Variants in L3MBTL4 observed in about 807,000 individuals in gnomAD.
L3MBTL4 encodes L3MBTL histone methyl-lysine binding protein 4.
Under a neutral mutation model 84.5 loss-of-function variants are expected in L3MBTL4, and 70 were observed. That is an observed-to-expected ratio of 0.83 (90% CI 0.68 to 1.01). L3MBTL4 has a LOEUF of 1.01. Among genes scored for constraint, L3MBTL4 ranks in the 50% least tolerant of loss-of-function variants. The probability of loss-of-function intolerance (pLI) is 0.00; values close to 1 mark genes in which losing one functional copy is unlikely to be tolerated. For synonymous variants in L3MBTL4, 274 were observed against 259.8 expected, an observed-to-expected ratio of 1.05 and a Z score of -0.52; for missense variants, 715 against 754.8, an observed-to-expected ratio of 0.95 and a Z score of 0.62.
intron 1 of L3MBTL4, among the ~76,000 whole-genome samples, chr18:6,388,483 T>G (rs1438822717): frequency 6.6e-6 from 1 of 152,140 alleles, no homozygotes; most frequent in African/African-American, 2.4e-5. Context: ...AACAGTGAAC[T>G]GAATTTGTCC....
chr18:6,361,652 C>T (rs552953358), intron 1 of L3MBTL4, among the ~76,000 whole-genome samples: 6 of 152,198 alleles, frequency 3.9e-5, no homozygotes, highest in Admixed American at 6.5e-5. Context: ...AAAATGAAGG[C>T]GATCTTTAAA....
chr18:6,132,796 A>C (rs1431452093), intron 14 of L3MBTL4, among the ~76,000 whole-genome samples: 2 of 152,200 alleles, frequency 1.3e-5, no homozygotes, highest in African/African-American at 4.8e-5. Flanking sequence ...AAAGTGCAGC[A>C]TGCCCATTGT....
chr18:6,249,731 T>C (rs1483481416), intron 5 of L3MBTL4, among the ~76,000 whole-genome samples: 2 of 152,260 alleles, frequency 1.3e-5, no homozygotes, highest in African/African-American at 2.4e-5. Context: ...TTCATTAATA[T>C]AATTGATACT....
At chr18:6,030,753 A>C in intron 16 of L3MBTL4, 6 of 980,586 alleles carry the variant, frequency 6.1e-6, no homozygotes, top group Non-Finnish European at 7.3e-6. Flanking sequence ...CTATTTCGTT[A>C]ATTTTCTAAG....
At chr18:6,176,185 GTA>G (rs1407650096) in intron 12 of L3MBTL4, among the ~76,000 whole-genome samples, 2 of 151,814 alleles carry the variant, frequency 1.3e-5, no homozygotes, top group Admixed American at 6.6e-5. Context: ...CTTTTGTTTT[GTA>G]TCATTTGACA....
intron 13 of L3MBTL4, among the ~76,000 whole-genome samples, chr18:6,166,112 T>A (rs1172737569): frequency 1.3e-5 from 2 of 152,260 alleles, no homozygotes; most frequent in Middle Eastern, 3.4e-3. Flanking sequence ...AGGGATCAAT[T>A]CAACAAGAAG....
intron 14 of L3MBTL4, among the ~76,000 whole-genome samples, chr18:6,106,611 AG>A (rs1377978026): frequency 6.6e-6 from 1 of 152,236 alleles, no homozygotes; most frequent in East Asian, 1.9e-4. Context: ...AGAAGAAAAT[AG>A]AGAAGAGAGA....
At position 6,194,054 on chromosome 18, in the gene L3MBTL4, C is replaced by T. The variant is rs187917235; in HGVS notation, c.981+19095G>A. Among the ~76,000 whole-genome samples, 8 of 152,220 alleles carry T rather than the reference C, an allele frequency of 5.3e-5. No homozygotes were observed. In the East Asian group the frequency reaches 1.5e-3, roughly 29 times the overall value. ...CCAGTCAAGCTTTCCAAAATGAATT[C>T]AAGGAGGGGAACAAAGATTGGAGCC... On this transcript the variant is annotated intron_variant, in intron 12 of 18. Coordinates refer to ENST00000317931, the MANE Select transcript of L3MBTL4 (RefSeq NM_001330559.2).
chr18:6,005,745 G>C (rs1379748668), intron 16 of L3MBTL4, among the ~76,000 whole-genome samples: 2 of 152,078 alleles, frequency 1.3e-5, no homozygotes, highest in East Asian at 3.9e-4. Flanking sequence ...CTGTTGATGG[G>C]CATTTAGGTT....
intron 16 of L3MBTL4, among the ~76,000 whole-genome samples, chr18:6,057,766 T>G (rs1394862794): frequency 2.0e-5 from 3 of 152,018 alleles, no homozygotes; most frequent in Non-Finnish European, 2.9e-5. Context: ...ATAAAGTCCA[T>G]GACAAAAATG....
intron 12 of L3MBTL4, among the ~76,000 whole-genome samples, chr18:6,179,773 G>T (rs113828919): frequency 6.6e-6 from 1 of 152,014 alleles, no homozygotes; most frequent in Admixed American, 6.5e-5. Context: ...AACTACAGGC[G>T]CATGCCACCA....
intron 16 of L3MBTL4, among the ~76,000 whole-genome samples, chr18:6,057,742 G>A (rs1347769708): frequency 1.3e-5 from 2 of 152,154 alleles, no homozygotes; most frequent in Admixed American, 1.3e-4. Context: ...AGAAAGAGTT[G>A]TCTGTGCTAA....
At chr18:6,016,777 G>A (rs1169708118) in intron 16 of L3MBTL4, among the ~76,000 whole-genome samples, 1 of 152,212 alleles carries the variant, frequency 6.6e-6, no homozygotes, top group Non-Finnish European at 1.5e-5. Context: ...TTCGTTTTAG[G>A]AGGATTGGGA....
rs966120557 is a variant in L3MBTL4, at chr18:6,371,572, T to C, written c.-91+43229A>G. 4.6e-5 allele frequency among the ~76,000 whole-genome samples: 7 copies of C among 152,236 alleles called. 1 individual carries two copies. Among genetic ancestry groups the C allele is most frequent in the Admixed American group, 4.6e-4 (7 of 15,298 alleles). On this transcript the variant is annotated intron_variant, in intron 1 of 18. Transcript: ENST00000317931. ...ATCCTCCAAAATTTCACCAAAACCCTTACTACCACAGAGCATATCTTCCAA... is the reference window on the plus strand; with the variant it reads ...ATCCTCCAAAATTTCACCAAAACCCCTACTACCACAGAGCATATCTTCCAA...
chr18:6,047,618 A>T (rs1017381167), intron 16 of L3MBTL4, among the ~76,000 whole-genome samples: 1 of 152,228 alleles, frequency 6.6e-6, no homozygotes, highest in Non-Finnish European at 1.5e-5. Context: ...AATAAATGTG[A>T]TTCACAGCAT....
intron 13 of L3MBTL4, among the ~76,000 whole-genome samples, chr18:6,169,818 T>TA (rs2043876367): frequency 6.6e-6 from 1 of 150,852 alleles, no homozygotes; most frequent in African/African-American, 2.4e-5. Flanking sequence ...CCCTAAAACT[T>TA]AAAGTATAAT....
At chr18:6,165,449 C>A (rs182125454) in intron 13 of L3MBTL4, among the ~76,000 whole-genome samples, 125 of 152,250 alleles carry the variant, frequency 8.2e-4, no homozygotes, top group Admixed American at 2.6e-3. Flanking sequence ...GGGTTACCCA[C>A]AAAGGGAAGC....
At chr18:6,301,830 TA>T in intron 4 of L3MBTL4, 72 bp downstream of exon 4, 1 of 1,057,860 alleles carries the variant, frequency 9.5e-7, no homozygotes, top group Non-Finnish European at 1.5e-6. Context: ...CTAAAACAAC[TA>T]AGCAATCTAA....
At chr18:6,135,637 C>T (rs1291691879) in intron 14 of L3MBTL4, among the ~76,000 whole-genome samples, 3 of 152,158 alleles carry the variant, frequency 2.0e-5, no homozygotes, top group Admixed American at 2.0e-4. Context: ...CAAGAGTCAC[C>T]TTTGCTCCAG....
Sources: allele counts gnomAD v4.1 joint callset (sites outside exome capture counted in the v4.1 genomes callset), GRCh38; gene constraint gnomAD v4.1.1; transcripts MANE v1.5; gene names NCBI Gene and HGNC (gene_info 2026-07-23, HGNC 2026-07-21).